LRP1B: variants seen among roughly 807,000 people sequenced by gnomAD.
The protein encoded by LRP1B is LDL receptor related protein 1B.
In LRP1B, 217 loss-of-function variants were observed where a neutral mutation model predicts 556.6. The observed-to-expected ratio is 0.39, with a 90% CI of 0.35 to 0.44. LRP1B has a LOEUF of 0.44. LRP1B is among the 20% of genes least tolerant of loss of function. The pLI is 1.00. For synonymous variants in LRP1B, 2,047 were observed against 1,865.8 expected, an observed-to-expected ratio of 1.10 and a Z score of -2.50; for missense variants, 5,053 against 5,620.8, an observed-to-expected ratio of 0.90 and a Z score of 3.23.
intron 2 of LRP1B, among the ~76,000 whole-genome samples, chr2:141,776,609 G>A (rs1198911785): frequency 6.6e-6 from 1 of 152,172 alleles, no homozygotes; most frequent in Non-Finnish European, 1.5e-5. Context: ...TATTGCCATA[G>A]TGATGATGGC....
chr2:141,354,894 A>G (rs1238846195), intron 3 of LRP1B, among the ~76,000 whole-genome samples: 4 of 152,142 alleles, frequency 2.6e-5, no homozygotes, highest in African/African-American at 9.7e-5. Context: ...AGTACTAGAA[A>G]TTAAATTGGC....
chr2:140,254,176 A>T (rs1366817662), intron 86 of LRP1B, among the ~76,000 whole-genome samples: 1 of 152,200 alleles, frequency 6.6e-6, no homozygotes, highest in Non-Finnish European at 1.5e-5. Flanking sequence ...ATTCAACTGC[A>T]GGTTAATAAC....
chr2:141,860,598 A>T (rs1698207449), intron 1 of LRP1B, among the ~76,000 whole-genome samples: 1 of 152,174 alleles, frequency 6.6e-6, no homozygotes, highest in Admixed American at 6.6e-5. Flanking sequence ...AATCTATATA[A>T]TAAAAGCAGA....
intron 1 of LRP1B, among the ~76,000 whole-genome samples, chr2:142,101,135 G>C (rs753987554): frequency 2.0e-5 from 3 of 152,106 alleles, no homozygotes; most frequent in Non-Finnish European, 2.9e-5. Flanking sequence ...TGTACATAAA[G>C]GAATAAAGGA....
chr2:141,246,465 T>C (rs1684072071), intron 5 of LRP1B, among the ~76,000 whole-genome samples: 1 of 152,152 alleles, frequency 6.6e-6, no homozygotes, highest in African/African-American at 2.4e-5. Flanking sequence ...AGGTGAAAGT[T>C]ATTGGGAGAT....
At chr2:140,259,057 T>G (rs1226806955) in intron 86 of LRP1B, among the ~76,000 whole-genome samples, 4 of 152,158 alleles carry the variant, frequency 2.6e-5, no homozygotes, top group African/African-American at 9.6e-5. Flanking sequence ...AAACTCTAGC[T>G]AAGCATACCA....
intron 2 of LRP1B, among the ~76,000 whole-genome samples, chr2:141,796,403 A>T (rs1695813224): frequency 6.6e-6 from 1 of 151,980 alleles, no homozygotes; most frequent in African/African-American, 2.4e-5. Context: ...TGTTAAATTT[A>T]TAAACTGCTT....
chr2:141,485,483 T>G (rs940242353), intron 2 of LRP1B, among the ~76,000 whole-genome samples: 2 of 152,162 alleles, frequency 1.3e-5, no homozygotes, highest in African/African-American at 4.8e-5. Flanking sequence ...ACTGCTTAAA[T>G]CAGTATTTTG....
intron 2 of LRP1B, among the ~76,000 whole-genome samples, chr2:141,564,349 A>T (rs904146384): frequency 1.3e-5 from 2 of 152,120 alleles, no homozygotes; most frequent in Non-Finnish European, 2.9e-5. Context: ...AAAAAGAAGA[A>T]TCTGTGAAAA....
intron 2 of LRP1B, among the ~76,000 whole-genome samples, chr2:141,614,938 G>A (rs376025671): frequency 4.6e-5 from 7 of 152,184 alleles, no homozygotes; most frequent in South Asian, 2.1e-4. Context: ...GTATAATAAC[G>A]TGGAAGTGGC....
At chr2:141,798,907 T>C (rs1416487450) in intron 2 of LRP1B, among the ~76,000 whole-genome samples, 1 of 151,776 alleles carries the variant, frequency 6.6e-6, no homozygotes, top group Non-Finnish European at 1.5e-5. Flanking sequence ...TAATCCAATA[T>C]GACTGGTGCC....
chr2:141,719,833 G>T (rs888427549), intron 2 of LRP1B, among the ~76,000 whole-genome samples: 11 of 152,154 alleles, frequency 7.2e-5, no homozygotes, highest in Non-Finnish European at 1.5e-4. Flanking sequence ...TGCAAAGAGG[G>T]TAACCATAGA....
chr2:140,384,474 T>G (rs1325332926), intron 67 of LRP1B, among the ~76,000 whole-genome samples: 1 of 152,204 alleles, frequency 6.6e-6, no homozygotes, highest in Non-Finnish European at 1.5e-5. Flanking sequence ...CTCTATTGAC[T>G]CTCTGCAATG....
intron 7 of LRP1B, among the ~76,000 whole-genome samples, chr2:141,152,046 G>C (rs1701939106): frequency 6.6e-6 from 1 of 152,036 alleles, no homozygotes; most frequent in African/African-American, 2.4e-5. Flanking sequence ...CTGTCTGAAT[G>C]TATAACACAG....
intron 1 of LRP1B, among the ~76,000 whole-genome samples, chr2:141,895,842 C>A (rs977113857): frequency 6.6e-6 from 1 of 152,140 alleles, no homozygotes; most frequent in Non-Finnish European, 1.5e-5. Context: ...TTCTTTCCGA[C>A]CTGCCCTGTG....
intron 2 of LRP1B, among the ~76,000 whole-genome samples, chr2:141,642,963 C>G (rs529117877): frequency 2.6e-5 from 4 of 152,000 alleles, no homozygotes; most frequent in Admixed American, 2.6e-4. Flanking sequence ...TGGGTCGAGA[C>G]CAATGTGAAC....
At chr2:141,942,052 T>C (rs1364814087) in intron 1 of LRP1B, among the ~76,000 whole-genome samples, 4 of 152,198 alleles carry the variant, frequency 2.6e-5, no homozygotes, top group African/African-American at 4.8e-5. Flanking sequence ...CCTAGCACAA[T>C]ACTCTGTTTC....
In LRP1B at chr2:141,886,177, T is replaced by C. The variant is rs571215353; in HGVS notation, c.83-75776A>G. ...ACCTAAGCATTGGATAATATCTGAA[T>C]GTTCCTACATTCATGCCTGTAATGA... On this transcript the variant is annotated intron_variant, in intron 1 of 90. Coordinates refer to ENST00000389484, the MANE Select transcript of LRP1B (RefSeq NM_018557.3). Among the ~76,000 whole-genome samples, 10 of 152,320 alleles carry C rather than the reference T, an allele frequency of 6.6e-5. No individual in the cohort carries two copies. The East Asian group carries it at 1.9e-3, about 29-fold the overall frequency.
intron 2 of LRP1B, among the ~76,000 whole-genome samples, chr2:141,485,397 C>T (rs866256970): frequency 2.0e-5 from 3 of 152,114 alleles, no homozygotes; most frequent in Non-Finnish European, 2.9e-5. Flanking sequence ...CCCCAGGCCC[C>T]GGTAATTAGC....
Sources: gnomAD v4.1 joint callset for allele counts (sites outside exome capture counted in the v4.1 genomes callset) on GRCh38, gnomAD v4.1.1 for gene constraint, MANE v1.5 for transcripts, NCBI Gene and HGNC (gene_info 2026-07-23, HGNC 2026-07-21) for gene names.